Variants in PHIP observed in about 807,000 individuals in gnomAD.
PHIP encodes PH-interacting protein.
A neutral mutation model predicts 236.8 loss-of-function variants in PHIP; 54 were observed. The observed-to-expected ratio is 0.23, with a 90% CI of 0.18 to 0.29. The LOEUF is 0.29. Among genes scored for constraint, PHIP ranks in the 10% least tolerant of loss-of-function variants. The probability of loss-of-function intolerance (pLI) is 1.00; values close to 1 mark genes in which losing one functional copy is unlikely to be tolerated. For missense variants in PHIP, 1,370 were observed against 2,190.8 expected, an observed-to-expected ratio of 0.63 and a Z score of 7.48; for synonymous variants, 756 against 718.9, an observed-to-expected ratio of 1.05 and a Z score of -0.83.
Position 78,941,257 on chromosome 6 carries a change from A to T in PHIP, c.4902T>A (p.Leu1634=). Residue 1634 remains leucine (L), a synonymous_variant, in exon 40 of 40, where the codon CTT becomes CTA. Transcript: ENST00000275034. ...VNGHGGQPSK[L]VKRGPGRKPK... ...GTTTCCTTCCAGGTCCCCTCTTCAC[A>T]AGTTTTGATGGCTGTCCTCCATGGC... The T allele has an allele frequency of 6.2e-7, 1 of 1,613,570 alleles. No individual in the cohort carries two copies. The highest frequency in any genetic ancestry group is 1.1e-5 in the South Asian group (1 of 91,066).
intron 27 of PHIP, among the ~76,000 whole-genome samples, chr6:78,968,078 T>C (rs1767263167): frequency 6.6e-6 from 1 of 152,030 alleles, no homozygotes; most frequent in African/African-American, 2.4e-5. Context: ...GAACTTGCAG[T>C]GAGCCAAGAT....
Position 78,935,691 on chromosome 6 carries a change from T to G in PHIP, c.*5002A>C. 2 of 985,086 alleles carry G rather than the reference T, an allele frequency of 2.0e-6. No individual in the cohort carries two copies. Among genetic ancestry groups the G allele is most frequent in the Non-Finnish European group, 2.4e-6 (2 of 829,626 alleles). 61.0% of individuals were successfully genotyped at this position (985,086 alleles called of 1,614,324 possible). A position where few individuals can be genotyped will look rare whatever the true frequency, so the allele number is the denominator to read the frequency against. On this transcript the variant is annotated 3_prime_UTR_variant, in exon 40 of 40. Coordinates refer to ENST00000275034, the MANE Select transcript of PHIP (RefSeq NM_017934.7). Reference sequence around the variant, plus strand: ...ACCCAAATATCTTTTAACTGACAGTTTTCACACTTTGCAAAACACACAGGG... The same window carrying G: ...ACCCAAATATCTTTTAACTGACAGTGTTCACACTTTGCAAAACACACAGGG...
intron 15 of PHIP, among the ~76,000 whole-genome samples, chr6:79,006,105 A>AT (rs1770277807): frequency 6.6e-6 from 1 of 152,066 alleles, no homozygotes; most frequent in African/African-American, 2.4e-5. Flanking sequence ...TATTTCAATC[A>AT]TATCAGAAAA....
intron 23 of PHIP, among the ~76,000 whole-genome samples, chr6:78,981,715 A>G (rs897927563): frequency 2.0e-5 from 3 of 152,010 alleles, no homozygotes; most frequent in Admixed American, 1.3e-4. Flanking sequence ...ATGAAAAAGA[A>G]TATTTACCTA....
rs114555950 is a variant in PHIP at position 79,029,174 on chromosome 6, T to A, written c.601-3010A>T. Among the ~76,000 whole-genome samples the A allele has an allele frequency of 5.7e-3, 863 of 152,198 alleles. 12 individuals are homozygous for A. Among genetic ancestry groups the A allele is most frequent in the African/African-American group, 0.02 (832 of 41,538 alleles). On this transcript the variant is annotated intron_variant, in intron 7 of 39. Coordinates refer to ENST00000275034, the MANE Select transcript of PHIP (RefSeq NM_017934.7). ...TCCATCAAATTGCCAGAGAGAGAAATTTTTGACCATCCTTTCACAAAAATC... is the reference window on the plus strand; with the variant it reads ...TCCATCAAATTGCCAGAGAGAGAAAATTTTGACCATCCTTTCACAAAAATC...
intron 9 of PHIP, among the ~76,000 whole-genome samples, chr6:79,022,352 A>C (rs1386834032): frequency 6.6e-6 from 1 of 152,224 alleles, no homozygotes; most frequent in Admixed American, 6.5e-5. Context: ...AACAAGTTCT[A>C]GCCAATCCTT....
At chr6:79,066,028 T>C (rs887094686) in intron 4 of PHIP, among the ~76,000 whole-genome samples, 4 of 152,096 alleles carry the variant, frequency 2.6e-5, no homozygotes, top group Non-Finnish European at 1.5e-5. Context: ...GGTAAATAAT[T>C]AAAAGACACA....
rs1767432961 is a variant in PHIP, at chr6:78,970,192, A to G, written c.2998-19T>C. ...CTTGTTCCTGAGAGAGACAGAGAAT[A>G]TAAGGAACCATCTTTACAAAATAAA... On this transcript the variant is annotated intron_variant, in intron 25 of 39. Transcript: ENST00000275034. 2 of 1,601,670 alleles carry G rather than the reference A, an allele frequency of 1.2e-6. No homozygotes were observed. Among genetic ancestry groups the G allele is most frequent in the African/African-American group, 1.3e-5 (1 of 74,552 alleles).
chr6:78,964,128 G>C (rs2127699937), intron 29 of PHIP, among the ~76,000 whole-genome samples: 1 of 152,184 alleles, frequency 6.6e-6, no homozygotes, highest in East Asian at 1.9e-4. Flanking sequence ...TTTAATAAAT[G>C]AGAGAAACAA....
rs143816298 is a variant in PHIP at position 78,980,303 on chromosome 6, G to A, written c.2770-1592C>T. Among the ~76,000 whole-genome samples, 356 of 152,072 alleles carry A rather than the reference G, an allele frequency of 2.3e-3. 4 individuals are homozygous for A. The highest frequency in any genetic ancestry group is 7.6e-3 in the African/African-American group (315 of 41,502). The stretch of plus-strand genomic sequence containing the variant: ...AGAATAGACCCTAGGGAGAAACAAG[G>A]AGAAACAGGAAGACACATGAGATGC... On this transcript the variant is annotated intron_variant, in intron 23 of 39. Transcript: ENST00000275034.
intron 24 of PHIP, among the ~76,000 whole-genome samples, chr6:78,977,131 G>GGATTGGAACCAACCAA (rs1480299748): frequency 7.1e-6 from 1 of 141,674 alleles, no homozygotes; most frequent in East Asian, 2.0e-4. Flanking sequence ...CAACCCAAAT[G>GGATTGGAACCAACCAA]TCCAACAATG....
chr6:78,963,604 G>A (rs1315762922), intron 29 of PHIP, among the ~76,000 whole-genome samples: 2 of 151,980 alleles, frequency 1.3e-5, no homozygotes, highest in African/African-American at 2.4e-5. Context: ...GTATACACAA[G>A]GTAAAACTGA....
At chr6:79,074,581 C>T (rs1475542407) in intron 4 of PHIP, among the ~76,000 whole-genome samples, 1 of 151,952 alleles carries the variant, frequency 6.6e-6, no homozygotes, top group Non-Finnish European at 1.5e-5. Flanking sequence ...TACCATAGTA[C>T]CAAAAACAAC....
At chr6:79,062,968 G>C (rs142795361) in intron 4 of PHIP, among the ~76,000 whole-genome samples, 5 of 152,022 alleles carry the variant, frequency 3.3e-5, no homozygotes, top group Admixed American at 6.6e-5. Context: ...TATACTCCTC[G>C]AATGTCCCTT....
At position 78,938,023 on chromosome 6, in the gene PHIP, T is replaced by C. The variant is rs1773338500; in HGVS notation, c.*2670A>G. 3 of 151,730 alleles carry C rather than the reference T, an allele frequency of 2.0e-5. No homozygotes were observed. Among genetic ancestry groups the C allele is most frequent in the Non-Finnish European group, 3.0e-5 (2 of 67,660 alleles). 9.4% of individuals were successfully genotyped at this position (151,730 alleles called of 1,614,324 possible). On this transcript the variant is annotated 3_prime_UTR_variant, in exon 40 of 40. Coordinates refer to ENST00000275034, the MANE Select transcript of PHIP (RefSeq NM_017934.7). ...TTCTTTCTGGCCTATTAACAGTACA[T>C]ACATAGTGTTACTGCCTCAAAGAGG... is the stretch of plus-strand genomic sequence containing the variant.
At chr6:78,959,546 A>G (rs1766635250) in intron 31 of PHIP, among the ~76,000 whole-genome samples, 1 of 152,164 alleles carries the variant, frequency 6.6e-6, no homozygotes, top group Non-Finnish European at 1.5e-5. Flanking sequence ...AACTGTAAGA[A>G]GTCTAACACC....
intron 20 of PHIP, among the ~76,000 whole-genome samples, chr6:78,989,510 C>G (rs1374104800): frequency 6.6e-6 from 1 of 152,100 alleles, no homozygotes; most frequent in African/African-American, 2.4e-5. Context: ...ATTAGACATC[C>G]TTGAAATCGA....
intron 7 of PHIP, among the ~76,000 whole-genome samples, chr6:79,032,055 G>A (rs575489066): frequency 4.5e-4 from 69 of 152,270 alleles, no homozygotes; most frequent in African/African-American, 1.6e-3. Flanking sequence ...TAAGAGTTAC[G>A]TTTACATTAT....
intron 7 of PHIP, among the ~76,000 whole-genome samples, chr6:79,030,823 C>A (rs937225674): frequency 6.6e-5 from 10 of 152,064 alleles, no homozygotes; most frequent in African/African-American, 2.4e-4. Flanking sequence ...GGGGTGGGTA[C>A]AAAATTTAAA....
Sources: gnomAD v4.1 joint callset for allele counts (sites outside exome capture counted in the v4.1 genomes callset) on GRCh38, gnomAD v4.1.1 for gene constraint, MANE v1.5 for transcripts, NCBI Gene and HGNC (gene_info 2026-07-23, HGNC 2026-07-21) for gene names.